SH3KBP1: variants seen among roughly 807,000 people sequenced by gnomAD.
SH3KBP1 encodes the protein SH3 domain-containing kinase-binding protein 1.
Under a neutral mutation model 50.1 loss-of-function variants are expected in SH3KBP1, and 8 were observed. The ratio of observed to expected loss-of-function variants is 0.16; its 90% confidence interval spans 0.09 to 0.29. The LOEUF is 0.29. Among genes scored for constraint, SH3KBP1 ranks in the 10% least tolerant of loss-of-function variants. The pLI is 1.00. For missense variants in SH3KBP1, 377 were observed against 535.2 expected (o/e 0.70, Z 2.92); for synonymous variants, 227 against 218.6 (o/e 1.04, Z -0.34).
chrX:19,692,888 C>T (rs1311247936), intron 5 of SH3KBP1, among the ~76,000 whole-genome samples: 1 of 108,232 alleles, frequency 9.2e-6, no homozygotes, highest in African/African-American at 3.4e-5. Flanking sequence ...AGGGTTTCAC[C>T]ATGATGGCCA....
intron 2 of SH3KBP1, among the ~76,000 whole-genome samples, chrX:19,760,041 CCTCTCTCTCTCTCTCTCTCTCTCT>C (rs745515349): frequency 2.0e-5 from 1 of 50,455 alleles, no homozygotes; most frequent in Non-Finnish European, 3.6e-5. Flanking sequence ...TCTCTCTCTC[CCTCTCTCTCTCTCTCTCTCTCTCT>C]CTCTCTCTCT....
At chrX:19,662,894 T>G (rs2062498068) in intron 6 of SH3KBP1, among the ~76,000 whole-genome samples, 1 of 108,840 alleles carries the variant, frequency 9.2e-6, no homozygotes, top group Non-Finnish European at 1.9e-5. Flanking sequence ...AGATGAACCT[T>G]TTTGTAGAGT....
chrX:19,823,111 G>A (rs1237583464), intron 2 of SH3KBP1, among the ~76,000 whole-genome samples: 1 of 111,323 alleles, frequency 9.0e-6, no homozygotes, highest in East Asian at 2.8e-4. Context: ...CTCTAGTGGG[G>A]AGGGGGAGCT....
intron 8 of SH3KBP1, among the ~76,000 whole-genome samples, chrX:19,617,126 CTT>C (rs1434956922): frequency 8.9e-6 from 1 of 112,542 alleles, no homozygotes; most frequent in Admixed American, 9.4e-5. Context: ...GTCTGCTACT[CTT>C]TGTTTGGGCT....
At chrX:19,719,556 A>G in intron 3 of SH3KBP1, among the ~76,000 whole-genome samples, 1 of 111,312 alleles carries the variant, frequency 9.0e-6, no homozygotes, top group Non-Finnish European at 1.9e-5. Context: ...TAGAAGCCAC[A>G]TCTGTAATTT....
chrX:19,788,018 C>T (rs771073871), intron 2 of SH3KBP1, among the ~76,000 whole-genome samples: 29 of 111,235 alleles, frequency 2.6e-4, no homozygotes, highest in Non-Finnish European at 4.7e-4. Context: ...ATGAATATGA[C>T]GTTATTTAGA....
chrX:19,707,307 A>G (rs2063672587), intron 3 of SH3KBP1, among the ~76,000 whole-genome samples: 1 of 111,894 alleles, frequency 8.9e-6, no homozygotes, highest in Non-Finnish European at 1.9e-5. Flanking sequence ...GGGGCTTTGT[A>G]TTTGCTGCTG....
At chrX:19,647,435 A>G (rs1230933583) in intron 6 of SH3KBP1, among the ~76,000 whole-genome samples, 1 of 111,887 alleles carries the variant, frequency 8.9e-6, no homozygotes, top group African/African-American at 3.3e-5. Flanking sequence ...AAAACTTCCA[A>G]GCTACCAGAC....
intron 13 of SH3KBP1, among the ~76,000 whole-genome samples, chrX:19,552,692 G>A (rs765847641): frequency 1.8e-5 from 2 of 110,270 alleles, no homozygotes; most frequent in Non-Finnish European, 3.8e-5. Context: ...TCAGCTGCAC[G>A]GAGGAATCAC....
Position 19,590,670 on chromosome X carries a change from G to T in SH3KBP1, c.1138+1397C>A, listed in dbSNP as rs1378623374. Among the ~76,000 whole-genome samples, 3 of 106,908 alleles carry T rather than the reference G, an allele frequency of 2.8e-5. No homozygotes were observed. The East Asian group carries it at 8.8e-4, about 31-fold the overall frequency. 92.8% of individuals were successfully genotyped at this position (106,908 alleles called of 115,157 possible). The stretch of plus-strand genomic sequence containing the variant: ...CACTTTTTTTTTTTTTTTAGACAGG[G>T]TCTCACTCTGTTGCTCAGGCTGGAG... On this transcript the variant is annotated intron_variant, in intron 11 of 17. Coordinates refer to ENST00000397821, the MANE Select transcript of SH3KBP1 (RefSeq NM_031892.3).
At chrX:19,626,049 G>A (rs755956762) in intron 8 of SH3KBP1, among the ~76,000 whole-genome samples, 1 of 111,732 alleles carries the variant, frequency 8.9e-6, no homozygotes, top group East Asian at 2.8e-4. Flanking sequence ...GCTGAGCTCC[G>A]GGGAGACTCC....
In SH3KBP1 at chrX:19,588,549, C is replaced by T. The variant is rs746434950; in HGVS notation, c.1298+94G>A. ...AAGCTTGAGCACCCCCTTCTCCTCTCCCTTCCTCCCAAGGTCTGTGGCAGT... is the reference window on the plus strand; with the variant it reads ...AAGCTTGAGCACCCCCTTCTCCTCTTCCTTCCTCCCAAGGTCTGTGGCAGT... On this transcript the variant is annotated intron_variant, in intron 12 of 17. Transcript: ENST00000397821. The T allele has an allele frequency of 1.2e-5, 15 of 1,208,659 alleles. No homozygotes were observed. The African/African-American group carries it at 2.1e-4, about 17-fold the overall frequency.
At position 19,784,811 on chromosome X, in the gene SH3KBP1, G is replaced by A. The variant is rs377596888; in HGVS notation, c.163-38370C>T. Among the ~76,000 whole-genome samples, 3 of 110,270 alleles carry A rather than the reference G, an allele frequency of 2.7e-5. No individual in the cohort carries two copies. In the East Asian group the frequency reaches 8.6e-4, roughly 31 times the overall value. ...GTAGAGATGGATGGGGTTTCACCAC[G>A]TGGGCCAGGCTGGTCTCAAACTCCT... On this transcript the variant is annotated intron_variant, in intron 2 of 17. Coordinates refer to ENST00000397821, the MANE Select transcript of SH3KBP1 (RefSeq NM_031892.3).
At chrX:19,736,777 T>C (rs975637333) in intron 3 of SH3KBP1, among the ~76,000 whole-genome samples, 5 of 111,992 alleles carry the variant, frequency 4.5e-5, no homozygotes, top group Non-Finnish European at 9.4e-5. Flanking sequence ...CAGGCTGTGA[T>C]GACAGATCAA....
chrX:19,860,476 AAAAGT>A (rs1240773675), intron 1 of SH3KBP1, among the ~76,000 whole-genome samples: 1 of 111,176 alleles, frequency 9.0e-6, no homozygotes, highest in African/African-American at 3.3e-5. Context: ...AGGGGGAATG[AAAAGT>A]AACTGCTTCA....
At chrX:19,807,405 C>A (rs1159693749) in intron 2 of SH3KBP1, among the ~76,000 whole-genome samples, 1 of 111,496 alleles carries the variant, frequency 9.0e-6, no homozygotes, top group Non-Finnish European at 1.9e-5. Context: ...AGGATCCAAC[C>A]TTGTTCACGC....
intron 12 of SH3KBP1, among the ~76,000 whole-genome samples, chrX:19,584,013 T>C (rs1307528506): frequency 1.1e-5 from 1 of 95,026 alleles, no homozygotes; most frequent in African/African-American, 3.9e-5. Context: ...ATATAAAATA[T>C]ATATTACAAA....
chrX:19,554,216 T>TA (rs1415975343), intron 13 of SH3KBP1, among the ~76,000 whole-genome samples: 1,073 of 77,468 alleles, frequency 0.014, 24 homozygotes, highest in African/African-American at 0.059. Flanking sequence ...AAATATAATA[T>TA]TATATATCAT....
At chrX:19,804,889 C>T (rs1237217390) in intron 2 of SH3KBP1, among the ~76,000 whole-genome samples, 2 of 81,652 alleles carry the variant, frequency 2.4e-5, no homozygotes, top group Non-Finnish European at 4.8e-5. Flanking sequence ...CCTACCCCCC[C>T]CCCCCCACCC....
Sources: allele counts gnomAD v4.1 joint callset (sites outside exome capture counted in the v4.1 genomes callset), GRCh38; gene constraint gnomAD v4.1.1; transcripts MANE v1.5; gene names NCBI Gene and HGNC (gene_info 2026-07-23, HGNC 2026-07-21).